The following CUL9 variants were observed in gnomAD, a reference collection of about 807,000 sequenced individuals.
The protein encoded by CUL9 is cullin 9, also known as cullin-9.
CUL9 carries 79 observed loss-of-function variants against 272.6 expected under a neutral mutation model. The ratio of observed to expected loss-of-function variants is 0.29; its 90% CI spans 0.24 to 0.35. The LOEUF is 0.35. CUL9 is among the 10% of genes least tolerant of loss of function. The pLI, the probability that CUL9 is intolerant of heterozygous loss-of-function variation, is 1.00. For missense variants in CUL9, 2,532 were observed against 3,255.6 expected (o/e 0.78, Z 5.41); for synonymous variants, 1,186 against 1,286.5 (o/e 0.92, Z 1.67).
intron 4 of CUL9, 151 bp downstream of exon 4, chr6:43,186,606 G>A: frequency 4.1e-6 from 5 of 1,212,906 alleles, no homozygotes; most frequent in Non-Finnish European, 5.6e-6. Flanking sequence ...TGTGCGGGGT[G>A]CATTTGGAGG....
chr6:43,214,074 G>C (rs1775739557), intron 29 of CUL9, among the ~76,000 whole-genome samples, 162 bp downstream of exon 29: 1 of 152,164 alleles, frequency 6.6e-6, no homozygotes, highest in Non-Finnish European at 1.5e-5. Context: ...TAAAGATAAG[G>C]CATGAGTGTT....
Position 43,184,565 on chromosome 6 carries a change from A to G in CUL9, c.255A>G (p.Leu85=), listed in dbSNP as rs779755178. ...CTGGGCTGTTAGGTGAGCGGGCACTATCTAAGGGACTTCAGCACGAACCAG... is the reference window on the plus strand; with the variant it reads ...CTGGGCTGTTAGGTGAGCGGGCACTGTCTAAGGGACTTCAGCACGAACCAG... The part of the protein sequence containing the change: ...NCPGLLGERA[L]SKGLQHEPAG... Residue 85 remains leucine, a synonymous_variant, in exon 2 of 41, where the codon CTA becomes CTG. Coordinates refer to ENST00000252050, the MANE Select transcript of CUL9 (RefSeq NM_015089.4). This position sits in a 1 kb window ranked among gnomAD's most constrained non-coding sequence, Gnocchi z 4.8. 2.5e-6 allele frequency: 4 copies of G among 1,613,224 alleles called. No homozygotes were observed. In the African/African-American group the frequency reaches 5.3e-5, roughly 22 times the overall value.
rs1046071430 is a variant in CUL9, at chr6:43,182,422, C to G, written c.-10+173C>G. Among the ~76,000 whole-genome samples the G allele has an allele frequency of 4.6e-5, 7 of 151,910 alleles. No homozygotes were observed. In the South Asian group the frequency reaches 6.2e-4, roughly 14 times the overall value. ...CCCCAACCATCCTTCCCCCTCCCCC[C>G]AAACCCGTTCCCTCTGCGGTGCTGG... On this transcript the variant is annotated intron_variant, in intron 1 of 40. Coordinates refer to ENST00000252050, the MANE Select transcript of CUL9 (RefSeq NM_015089.4).
chr6:43,183,796 AGGCTGGAGTACAGT>A (rs1057128667), intron 1 of CUL9, among the ~76,000 whole-genome samples: 7 of 148,242 alleles, frequency 4.7e-5, no homozygotes, highest in Admixed American at 3.4e-4. Context: ...TCTGTTGCCC[AGGCTGGAGTACAGT>A]GGCGCGGTCT....
chr6:43,186,448 C>T lies in CUL9; in HGVS notation c.1244C>T (p.Pro415Leu). 1 of 1,589,834 alleles carries T rather than the reference C, an allele frequency of 6.3e-7. No individual in the cohort carries two copies. Among genetic ancestry groups the T allele is most frequent in the Non-Finnish European group, 8.6e-7 (1 of 1,163,558 alleles). Residue 415 changes from proline to leucine, a missense_variant, in exon 4 of 41, where the codon CCT becomes CTT. Transcript: ENST00000252050. ...CGGCAGAGCAACAACGGCATTCCCCCTGTGCAGGTGGGCAGCACATGGTGG... is the reference window on the plus strand; with the variant it reads ...CGGCAGAGCAACAACGGCATTCCCCTTGTGCAGGTGGGCAGCACATGGTGG... ...EFRQSNNGIP[P>L]VQVFWQSTGR...
chr6:43,183,206 C>T (rs2150507720), intron 1 of CUL9, among the ~76,000 whole-genome samples: 1 of 152,278 alleles, frequency 6.6e-6, no homozygotes, highest in South Asian at 2.1e-4. Context: ...CATTTCCTAC[C>T]TTTAACCCCA....
At position 43,202,767 on chromosome 6, in the gene CUL9, G is replaced by T. The variant is rs1433194802; in HGVS notation, c.3699G>T (p.Arg1233Ser). Residue 1233 changes from arginine to serine, a missense_variant, in exon 17 of 41, where the codon AGG (arginine) becomes AGT (serine). This residue lies in a region of CUL9 where 2,218 missense variants were observed against 2,788.6 expected (regional missense o/e 0.80). Coordinates refer to ENST00000252050, the MANE Select transcript of CUL9 (RefSeq NM_015089.4). ...AGGACTCAAGCTACATGCCAGCCAG[G>T]GTGGTGGTGTTTGGGGGTGACAGCA... ...ASEDSSYMPARVVVFGGDSTS... is the reference protein window; with the variant it reads ...ASEDSSYMPASVVVFGGDSTS... 6.2e-7 allele frequency: 1 copy of T among 1,614,178 alleles called. No homozygotes were observed. Among genetic ancestry groups the T allele is most frequent in the Admixed American group, 1.7e-5 (1 of 60,014 alleles).
rs1481527571 is a variant in CUL9 at position 43,185,332 on chromosome 6, ATTTC to A, written c.596-118_596-115del. On this transcript the variant is annotated intron_variant, in intron 2 of 40. Coordinates refer to ENST00000252050, the MANE Select transcript of CUL9 (RefSeq NM_015089.4). ...TGTAACAGGTTACCATGTAAAATGT[ATTTC>A]TTTCTGTGAGCCTTAGTAACAAAGT... 1.6e-4 allele frequency: 154 copies of A among 933,970 alleles called. 2 individuals carry two copies. The highest frequency in any genetic ancestry group is 4.8e-4 in the Middle Eastern group (2 of 4,190). The allele number at this position is 933,970 out of a possible 1,614,324, so 57.9% of individuals were successfully genotyped here.
chr6:43,209,741 G>T lies in CUL9; in HGVS notation c.5212+3231G>T, dbSNP rs551485404. 3.3e-5 allele frequency among the ~76,000 whole-genome samples: 5 copies of T among 152,180 alleles called. No individual in the cohort carries two copies. In the South Asian group the frequency reaches 1.0e-3, roughly 32 times the overall value. On this transcript the variant is annotated intron_variant, in intron 26 of 40. Transcript: ENST00000252050. ...GCTCACTGCAACCTCTGCCTCCTGG[G>T]TTCAAGTGATTCTCCTGCCTCAGCC...
At position 43,221,362 on chromosome 6, in the gene CUL9, G is replaced by C. The variant is rs140078520; in HGVS notation, c.6752+41G>C. 2,049 of 1,550,874 alleles carry C rather than the reference G, an allele frequency of 1.3e-3. 18 individuals carry two copies. The African/African-American group carries it at 0.025, about 19-fold the overall frequency. On this transcript the variant is annotated intron_variant, in intron 34 of 40. Coordinates refer to ENST00000252050, the MANE Select transcript of CUL9 (RefSeq NM_015089.4). The surrounding 1 kb of genome is among the most constrained non-coding windows in gnomAD (Gnocchi z 4.2). ...CTGTGGGGAGCCAGAGGGCAAGGAG[G>C]GGGGAGGAGGCCTGGCAGAAGGAGG...
intron 31 of CUL9, among the ~76,000 whole-genome samples, chr6:43,217,011 T>G (rs910939298): frequency 6.6e-6 from 1 of 152,168 alleles, no homozygotes; most frequent in Non-Finnish European, 1.5e-5. Context: ...TCCCCACATC[T>G]CAGTGCACTA....
Position 43,184,168 on chromosome 6 carries a change from C to T in CUL9, c.-9-134C>T. ...TATTCCATCCTATTTTTTGCCTTTT[C>T]TGTTTGGCCTCCTAAATTCTACCAT... On this transcript the variant is annotated intron_variant, in intron 1 of 40. Coordinates refer to ENST00000252050, the MANE Select transcript of CUL9 (RefSeq NM_015089.4). The surrounding 1 kb of genome is among the most constrained non-coding windows in gnomAD (Gnocchi z 4.8). 3.6e-6 allele frequency: 2 copies of T among 558,870 alleles called. No individual in the cohort carries two copies. Among genetic ancestry groups the T allele is most frequent in the Non-Finnish European group, 5.9e-6 (2 of 341,844 alleles). The allele number at this position is 558,870 out of a possible 1,614,324, so 34.6% of individuals were successfully genotyped here.
chr6:43,212,852 T>C (rs1775628366), intron 26 of CUL9: 1 of 321,168 alleles, frequency 3.1e-6, no homozygotes, highest in African/African-American at 2.2e-5. Context: ...TTTAAAACTG[T>C]GAGCTCCTTG....
Position 43,205,917 on chromosome 6 carries a change from A to G in CUL9, c.4794-90A>G, listed in dbSNP as rs1006290540. 4 of 1,106,818 alleles carry G rather than the reference A, an allele frequency of 3.6e-6. No homozygotes were observed. The African/African-American group carries it at 6.2e-5, about 17-fold the overall frequency. The allele number at this position is 1,106,818 out of a possible 1,614,324, so 68.6% of individuals were successfully genotyped here. A position where few individuals can be genotyped will look rare whatever the true frequency, so the allele number is the denominator to read the frequency against. Reference sequence around the variant, plus strand: ...GTGAGGTAGGGTATGTGACTCAGGCAGAGGGACAGAGGGACCTACATTCTC... The same window carrying G: ...GTGAGGTAGGGTATGTGACTCAGGCGGAGGGACAGAGGGACCTACATTCTC... On this transcript the variant is annotated intron_variant, in intron 24 of 40. Transcript: ENST00000252050.
chr6:43,203,909 G>C lies in CUL9; in HGVS notation c.4081G>C (p.Asp1361His), dbSNP rs576361339. The C allele has an allele frequency of 4.3e-6, 7 of 1,613,718 alleles. No homozygotes were observed. In the Admixed American group the frequency reaches 8.3e-5, roughly 19 times the overall value. ...QNFADRFLPD[D>H]EAAQALGKTC... ...TTTTGCTGACCGCTTCCTCCCTGATGATGAGGCCGCCCAGGCACTGGGCAA... is the reference window on the plus strand; with the variant it reads ...TTTTGCTGACCGCTTCCTCCCTGATCATGAGGCCGCCCAGGCACTGGGCAA... Residue 1361 changes from aspartate to histidine, a missense_variant, in exon 20 of 41, where the codon GAT becomes CAT. Transcript: ENST00000252050. This position sits in a 1 kb window ranked among gnomAD's most constrained non-coding sequence, Gnocchi z 5.0.
rs1414927887 is a variant in CUL9 at position 43,205,365 on chromosome 6, G to C, written c.4735G>C (p.Glu1579Gln). 3.1e-6 allele frequency: 5 copies of C among 1,614,082 alleles called. No homozygotes were observed. The highest frequency in any genetic ancestry group is 1.3e-5 in the African/African-American group (1 of 74,916). ...EMLGQLQRHL[E>Q]PIMVLSGLEL... ...GCTGGGGCAGCTTCAGCGGCACCTGGAACCCATTATGGTCCTTTCTGGTCT... is the reference window on the plus strand; with the variant it reads ...GCTGGGGCAGCTTCAGCGGCACCTGCAACCCATTATGGTCCTTTCTGGTCT... The change falls in exon 24 of 41, where the codon GAA becomes CAA. Residue 1579 changes from glutamate (E) to glutamine (Q), a missense_variant. Around this residue, in one of 3 missense-constraint regions of CUL9, gnomAD observed 2,218 missense variants for 2,788.6 expected, o/e 0.80. Coordinates refer to ENST00000252050, the MANE Select transcript of CUL9 (RefSeq NM_015089.4).
Position 43,209,687 on chromosome 6 carries a change from C to T in CUL9, c.5212+3177C>T, listed in dbSNP as rs150070924. On this transcript the variant is annotated intron_variant, in intron 26 of 40. Coordinates refer to ENST00000252050, the MANE Select transcript of CUL9 (RefSeq NM_015089.4). ...TTGAGACAGAGCCTTGCACTGTCGCCCAGACTGGAGTGCAGTGGCTCAATC... is the reference window on the plus strand; with the variant it reads ...TTGAGACAGAGCCTTGCACTGTCGCTCAGACTGGAGTGCAGTGGCTCAATC... Among the ~76,000 whole-genome samples the T allele has an allele frequency of 6.5e-3, 992 of 152,194 alleles. 7 individuals carry two copies. Among genetic ancestry groups the T allele is most frequent in the African/African-American group, 0.023 (948 of 41,514 alleles).
chr6:43,214,023 A>G (rs1775736313), intron 29 of CUL9, 111 bp downstream of exon 29: 5 of 1,119,360 alleles, frequency 4.5e-6, no homozygotes, highest in Non-Finnish European at 6.6e-6. Flanking sequence ...TGACATTTCC[A>G]TCTGGGTTTT....
At chr6:43,182,832 G>A (rs547404979) in intron 1 of CUL9, among the ~76,000 whole-genome samples, 1 of 151,992 alleles carries the variant, frequency 6.6e-6, no homozygotes, top group South Asian at 2.1e-4. Context: ...ACTATTCCCT[G>A]TTGCCCCTGC....
Sources: allele counts gnomAD v4.1 joint callset (sites outside exome capture counted in the v4.1 genomes callset), GRCh38; gene constraint gnomAD v4.1.1; regional missense constraint gnomAD v4.1.1; non-coding constraint Gnocchi (gnomAD v3.1); transcripts MANE v1.5; gene names NCBI Gene and HGNC (gene_info 2026-07-23, HGNC 2026-07-21).